POLR2F: variants seen among roughly 807,000 people sequenced by gnomAD.
POLR2F encodes DNA-directed RNA polymerases I, II, and III subunit RPABC2.
A neutral mutation model predicts 22.7 loss-of-function variants in POLR2F; 12 were observed. The ratio of observed to expected loss-of-function variants is 0.53; its 90% CI spans 0.34 to 0.86. POLR2F has a LOEUF of 0.86. POLR2F is among the 40% of genes least tolerant of loss of function. The pLI is 0.02. For synonymous variants in POLR2F, 57 were observed against 66.0 expected, an observed-to-expected ratio of 0.86 and a Z score of 0.66; for missense variants, 126 against 171.5, an observed-to-expected ratio of 0.73 and a Z score of 1.48.
At chr22:37,956,941 C>G (rs765340618) in intron 2 of POLR2F, 99 bp downstream of exon 2, 1 of 923,314 alleles carries the variant, frequency 1.1e-6, no homozygotes, top group Non-Finnish European at 1.8e-6. Flanking sequence ...TATTTGTGGT[C>G]AAGGCCCCTG....
At chr22:38,025,562 A>G (rs1319449281) in intron 1 of POLR2F, 2 of 1,483,582 alleles carry the variant, frequency 1.3e-6, no homozygotes, top group Admixed American at 2.5e-5. Context: ...CCCTTCTCCC[A>G]TCTCTCTCAT....
chr22:38,033,392 T>G (rs1302816694), intron 5 of POLR2F, among the ~76,000 whole-genome samples: 1 of 152,112 alleles, frequency 6.6e-6, no homozygotes, highest in Non-Finnish European at 1.5e-5. Context: ...GGCTGGAATT[T>G]CCCTGGCCCC....
chr22:38,008,674 C>T (rs2084844991), intron 1 of POLR2F, among the ~76,000 whole-genome samples: 1 of 151,754 alleles, frequency 6.6e-6, no homozygotes, highest in Admixed American at 6.6e-5. Flanking sequence ...GAGTTCGAGA[C>T]CAGGCTGGCC....
chr22:37,973,864 C>T (rs779650438), downstream of POLR2F: 32 of 1,609,600 alleles, frequency 2.0e-5, no homozygotes, highest in African/African-American at 5.3e-5. Flanking sequence ...GTGGTGAGAC[C>T]GTGGGCAGAG....
At chr22:37,967,496 A>G in intron 4 of POLR2F, 129 bp from the exon 5 acceptor site, 2 of 1,480,224 alleles carry the variant, frequency 1.4e-6, no homozygotes, top group Middle Eastern at 1.9e-4. Flanking sequence ...CTTACAAAGT[A>G]CACTCATCAG....
At chr22:37,955,209 T>TG (rs1931329441) in intron 1 of POLR2F, among the ~76,000 whole-genome samples, 1 of 151,006 alleles carries the variant, frequency 6.6e-6, no homozygotes, top group South Asian at 2.1e-4. Context: ...AAGGGTTTTT[T>TG]TTTTTTTTTT....
At chr22:37,969,449 A>G, downstream of POLR2F, 1 of 371,010 alleles carries the variant, frequency 2.7e-6, no homozygotes, top group South Asian at 1.1e-4. Flanking sequence ...TAAGGGATGC[A>G]CACAACCCAG....
At position 37,980,131 on chromosome 22, in the gene POLR2F, C is replaced by T. The variant is rs1053331514; in HGVS notation, c.293+12961C>T. Among the ~76,000 whole-genome samples the T allele has an allele frequency of 6.6e-6, 1 of 152,150 alleles. No individual in the cohort carries two copies. Among genetic ancestry groups the T allele is most frequent in the Non-Finnish European group, 1.5e-5 (1 of 68,024 alleles). ...CCGAGACTCTGTCAGAGTCAGTGTA[C>T]ACACTTAGGACAAAGATGCCGGAGC... On this transcript the variant is annotated intron_variant, in intron 4 of 4. Coordinates refer to the POLR2F transcript ENST00000405557. The surrounding 1 kb of genome is among the most constrained non-coding windows in gnomAD (Gnocchi z 4.1).
intron 2 of POLR2F, among the ~76,000 whole-genome samples, chr22:37,957,807 C>T (rs1252909421): frequency 6.6e-6 from 1 of 152,124 alleles, no homozygotes; most frequent in Non-Finnish European, 1.5e-5. Context: ...TTTCCTGCTT[C>T]AGTCTCACTC....
chr22:37,955,936 C>T (rs944411748), intron 1 of POLR2F, among the ~76,000 whole-genome samples: 8 of 152,012 alleles, frequency 5.3e-5, no homozygotes, highest in Non-Finnish European at 8.8e-5. Flanking sequence ...GCACCCACCT[C>T]GGCCTCTCAA....
At chr22:37,962,981 C>T (rs1261081395) in intron 3 of POLR2F, among the ~76,000 whole-genome samples, 1 of 146,758 alleles carries the variant, frequency 6.8e-6, no homozygotes, top group Non-Finnish European at 1.5e-5. Flanking sequence ...TGAGCCACTG[C>T]GCCCAGCCTA....
At chr22:37,976,933 G>A (rs1260210486) in intron 4 of POLR2F, among the ~76,000 whole-genome samples, 6 of 151,842 alleles carry the variant, frequency 4.0e-5, no homozygotes, top group Non-Finnish European at 2.9e-5. Context: ...TTGGGAGGCC[G>A]AGGCGGGCAG....
rs1159353447 is a variant in POLR2F at position 38,010,602 on chromosome 22, G to GTTTTTTTTT, written c.121-15248_121-15240dup. 3.6e-4 allele frequency among the ~76,000 whole-genome samples: 22 copies of GTTTTTTTTT among 60,900 alleles called. 1 individual carries two copies. The highest frequency in any genetic ancestry group is 6.5e-4 in the African/African-American group (9 of 13,884). The allele number at this position is 60,900 out of a possible 152,430, so 40.0% of individuals were successfully genotyped here. A position where few individuals can be genotyped will look rare whatever the true frequency, so the allele number is the denominator to read the frequency against. ...TAAATATGTAGTAATAATTCCTTGT[G>GTTTTTTTTT]TTTTTTTTTTTTTTTTTTTTTTTTT... On this transcript the variant is annotated intron_variant, in intron 1 of 2. Transcript: ENST00000333418.
At chr22:37,979,132 C>T (rs1932314334) in intron 4 of POLR2F, among the ~76,000 whole-genome samples, 1 of 151,828 alleles carries the variant, frequency 6.6e-6, no homozygotes, top group Admixed American at 6.6e-5. Context: ...GAGTCTCACT[C>T]TGTCGCCCAG....
intron 5 of POLR2F, chr22:38,041,037 G>T: frequency 5.0e-6 from 8 of 1,612,858 alleles, no homozygotes; most frequent in Non-Finnish European, 5.9e-6. Context: ...AAGGAAGACG[G>T]CACCGTAGTT....
At chr22:38,012,542 CAG>C (rs1348286448) in intron 1 of POLR2F, among the ~76,000 whole-genome samples, 3 of 152,120 alleles carry the variant, frequency 2.0e-5, no homozygotes, top group Non-Finnish European at 4.4e-5. Context: ...AATACTATAA[CAG>C]AAGTACAGTC....
intron 1 of POLR2F, among the ~76,000 whole-genome samples, chr22:38,020,769 G>A (rs2084954817): frequency 1.3e-5 from 2 of 151,820 alleles, no homozygotes; most frequent in South Asian, 2.1e-4. Context: ...CAAAGAAGTC[G>A]GGTGGGATCA....
chr22:37,961,060 A>G (rs1481566667), intron 3 of POLR2F, among the ~76,000 whole-genome samples: 1 of 151,370 alleles, frequency 6.6e-6, no homozygotes, highest in Non-Finnish European at 1.5e-5. Flanking sequence ...GGTGTTAGTC[A>G]GGATGGTCTC....
intron 1 of POLR2F, among the ~76,000 whole-genome samples, chr22:38,021,449 G>A (rs954386381): frequency 8.5e-5 from 13 of 152,276 alleles, no homozygotes; most frequent in African/African-American, 3.1e-4. Flanking sequence ...CAAGACTTCA[G>A]TACTCCAATG....
Sources: gnomAD v4.1 joint callset for allele counts (sites outside exome capture counted in the v4.1 genomes callset) on GRCh38, gnomAD v4.1.1 for gene constraint, Gnocchi (gnomAD v3.1) non-coding constraint, MANE v1.5 for transcripts, NCBI Gene and HGNC (gene_info 2026-07-23, HGNC 2026-07-21) for gene names.